The following PDSS2 variants were observed in gnomAD, a reference collection of about 807,000 sequenced individuals.
The protein encoded by PDSS2 is decaprenyl diphosphate synthase subunit 2, also known as all trans-polyprenyl-diphosphate synthase PDSS2.
Under a neutral mutation model 44.5 loss-of-function variants are expected in PDSS2, and 31 were observed. That is an observed-to-expected ratio of 0.70 (90% CI 0.52 to 0.94). The LOEUF is 0.94. Ranked by LOEUF, PDSS2 falls within the 40% of genes least tolerant of loss-of-function variation. The probability of loss-of-function intolerance (pLI) is 0.00; values close to 1 mark genes in which losing one functional copy is unlikely to be tolerated. For synonymous variants in PDSS2, 157 were observed against 180.3 expected, an observed-to-expected ratio of 0.87 and a Z score of 1.03; for missense variants, 452 against 482.2, an observed-to-expected ratio of 0.94 and a Z score of 0.59.
At chr6:107,389,900 C>T (rs769971110) in intron 1 of PDSS2, among the ~76,000 whole-genome samples, 3 of 151,818 alleles carry the variant, frequency 2.0e-5, no homozygotes, top group Non-Finnish European at 4.4e-5. Context: ...ACAAGATAAA[C>T]CAGAGTATCT....
intron 1 of PDSS2, among the ~76,000 whole-genome samples, chr6:107,353,088 C>T (rs1778481715): frequency 1.3e-5 from 2 of 152,032 alleles, no homozygotes; most frequent in African/African-American, 4.8e-5. Flanking sequence ...TTTTTGGCTT[C>T]AGTGAAAGCT....
rs111338643 is a variant in PDSS2 at position 107,344,508 on chromosome 6, G to A, written c.297-10176C>T. On this transcript the variant is annotated intron_variant, in intron 1 of 7. Transcript: ENST00000369037. Reference sequence around the variant, plus strand: ...GTGGCAGTCATTGATATGGCTCGAGGGCCACACACACATCCCACCTGCATT... The same window carrying A: ...GTGGCAGTCATTGATATGGCTCGAGAGCCACACACACATCCCACCTGCATT... 2.3e-3 allele frequency among the ~76,000 whole-genome samples: 352 copies of A among 152,144 alleles called. 5 individuals carry two copies. Among genetic ancestry groups the A allele is most frequent in the African/African-American group, 8.3e-3 (345 of 41,504 alleles).
intron 2 of PDSS2, among the ~76,000 whole-genome samples, chr6:107,305,990 G>A (rs528510387): frequency 7.0e-4 from 106 of 152,178 alleles, no homozygotes; most frequent in African/African-American, 2.2e-3. Context: ...TTTTACAGTC[G>A]TAGAAATCAA....
In PDSS2 at chr6:107,399,760, A is replaced by G. The variant is rs1780051832; in HGVS notation, c.296+59230T>C. Among the ~76,000 whole-genome samples the G allele has an allele frequency of 2.0e-5, 3 of 152,188 alleles. No individual in the cohort carries two copies. In the South Asian group the frequency reaches 6.2e-4, roughly 31 times the overall value. ...TTTTTCTTAGTGAACTAAAACATTAACAATACTATAATGATTCCCAAAGTT... is the reference window on the plus strand; with the variant it reads ...TTTTTCTTAGTGAACTAAAACATTAGCAATACTATAATGATTCCCAAAGTT... On this transcript the variant is annotated intron_variant, in intron 1 of 7. Transcript: ENST00000369037.
intron 2 of PDSS2, among the ~76,000 whole-genome samples, chr6:107,300,027 C>T (rs1436350765): frequency 6.6e-6 from 1 of 150,502 alleles, no homozygotes; most frequent in African/African-American, 2.5e-5. Context: ...ACCTGGTAAG[C>T]CTATTTAATA....
At chr6:107,199,735 TC>T (rs1465823856) in intron 6 of PDSS2, among the ~76,000 whole-genome samples, 1 of 152,244 alleles carries the variant, frequency 6.6e-6, no homozygotes, top group Non-Finnish European at 1.5e-5. Flanking sequence ...TGAAGCTTTT[TC>T]TTTATATGTA....
intron 7 of PDSS2, among the ~76,000 whole-genome samples, chr6:107,163,095 C>T (rs1771207432): frequency 6.6e-6 from 1 of 152,164 alleles, no homozygotes; most frequent in Admixed American, 6.6e-5. Context: ...AAAGACCAGC[C>T]TGCACTCCAG....
At chr6:107,452,970 T>A (rs571603713) in intron 1 of PDSS2, among the ~76,000 whole-genome samples, 180 of 152,266 alleles carry the variant, frequency 1.2e-3, no homozygotes, top group African/African-American at 4.1e-3. Flanking sequence ...TGGCCAGTTT[T>A]GAACTTTTAT....
At chr6:107,341,415 A>G (rs759646611) in intron 1 of PDSS2, among the ~76,000 whole-genome samples, 116 of 152,178 alleles carry the variant, frequency 7.6e-4, no homozygotes, top group Non-Finnish European at 1.1e-3. Context: ...TGAATGCAAG[A>G]AGGACTTCCA....
At chr6:107,202,869 G>A (rs374259562) in intron 6 of PDSS2, among the ~76,000 whole-genome samples, 104 of 151,918 alleles carry the variant, frequency 6.8e-4, no homozygotes, top group African/African-American at 2.2e-3. Context: ...AAAGGAGAGA[G>A]GCAAGGAGAT....
At chr6:107,457,854 A>T (rs1782095147) in intron 1 of PDSS2, among the ~76,000 whole-genome samples, 1 of 152,192 alleles carries the variant, frequency 6.6e-6, no homozygotes, top group Non-Finnish European at 1.5e-5. Flanking sequence ...TATTAAATAT[A>T]CCTAAGTTGG....
rs140384010 is a variant in PDSS2, at chr6:107,426,522, G to A, written c.296+32468C>T. Reference sequence around the variant, plus strand: ...GCACCGTTTAGTGGAGCTGTGAGAAGAGGGCCACCATTCTCCAGACCCCAG... The same window carrying A: ...GCACCGTTTAGTGGAGCTGTGAGAAAAGGGCCACCATTCTCCAGACCCCAG... On this transcript the variant is annotated intron_variant, in intron 1 of 7. Transcript: ENST00000369037. 4.3e-3 allele frequency among the ~76,000 whole-genome samples: 659 copies of A among 152,314 alleles called. 5 individuals are homozygous for A. Among genetic ancestry groups the A allele is most frequent in the African/African-American group, 0.015 (614 of 41,574 alleles).
At chr6:107,333,920 A>T (rs182770033) in intron 2 of PDSS2, among the ~76,000 whole-genome samples, 5 of 152,334 alleles carry the variant, frequency 3.3e-5, no homozygotes, top group Admixed American at 3.3e-4. Context: ...ACAACAATAC[A>T]TAATAAGGGG....
chr6:107,226,620 G>A (rs1773830853), intron 4 of PDSS2, among the ~76,000 whole-genome samples: 1 of 151,914 alleles, frequency 6.6e-6, no homozygotes, highest in South Asian at 2.1e-4. Flanking sequence ...GGGACAGACT[G>A]AGGTCAGACT....
rs754281828 is a variant in PDSS2, at chr6:107,459,205, C to T, written c.81G>A (p.Pro27=). 2.6e-4 allele frequency: 425 copies of T among 1,613,888 alleles called. 1 individual carries two copies. Among genetic ancestry groups the T allele is most frequent in the Non-Finnish European group, 3.5e-4 (412 of 1,179,978 alleles). ...CCACCGAGGAGATGGTGTCGAGGGA[C>T]GGGGACCACCACAGGCGACGCGGGG... The part of the protein sequence containing the change: ...SGSPRRLWWS[P]SLDTISSVGS... The change falls in exon 1 of 8, where the codon CCG becomes CCA. Residue 27 remains proline, a synonymous_variant. Transcript: ENST00000369037. The surrounding 1 kb of genome is among the most constrained non-coding windows in gnomAD (Gnocchi z 4.3).
chr6:107,230,429 C>CCTAG (rs1375220585), intron 4 of PDSS2, among the ~76,000 whole-genome samples: 2 of 152,132 alleles, frequency 1.3e-5, no homozygotes, highest in African/African-American at 4.8e-5. Flanking sequence ...TCACGCTTGG[C>CCTAG]CTAGACCACC....
intron 2 of PDSS2, among the ~76,000 whole-genome samples, chr6:107,302,544 AG>A: frequency 6.6e-6 from 1 of 152,272 alleles, no homozygotes; most frequent in Non-Finnish European, 1.5e-5. Context: ...CTGAGATTAC[AG>A]GCATAAGCCA....
At chr6:107,304,386 T>C (rs1776791178) in intron 2 of PDSS2, among the ~76,000 whole-genome samples, 1 of 152,282 alleles carries the variant, frequency 6.6e-6, no homozygotes, top group African/African-American at 2.4e-5. Flanking sequence ...CATGTACTCT[T>C]ATATACGTAA....
intron 4 of PDSS2, among the ~76,000 whole-genome samples, chr6:107,228,481 G>A (rs1464627736): frequency 1.3e-5 from 2 of 152,092 alleles, no homozygotes; most frequent in African/African-American, 4.8e-5. Flanking sequence ...ATCACCTGAG[G>A]CCAGGAGTTC....
Sources: gnomAD v4.1 joint callset for allele counts (sites outside exome capture counted in the v4.1 genomes callset) on GRCh38, gnomAD v4.1.1 for gene constraint, Gnocchi (gnomAD v3.1) non-coding constraint, MANE v1.5 for transcripts, NCBI Gene and HGNC (gene_info 2026-07-23, HGNC 2026-07-21) for gene names.